The following PTDSS1 variants were observed in gnomAD, a reference collection of about 807,000 sequenced individuals.
PTDSS1 encodes PSS-1.
PTDSS1 carries 45 observed loss-of-function variants against 70.5 expected under a neutral mutation model. The observed-to-expected ratio is 0.64, with a 90% confidence interval of 0.50 to 0.82. PTDSS1 has a LOEUF of 0.82. Among genes scored for constraint, PTDSS1 ranks in the 40% least tolerant of loss-of-function variants. PTDSS1 has a pLI of 0.00. For synonymous variants in PTDSS1, 188 were observed against 203.8 expected (o/e 0.92, Z 0.66); for missense variants, 417 against 586.1 (o/e 0.71, Z 2.98).
In PTDSS1 at chr8:96,262,197, C is replaced by T; in HGVS notation, c.157C>T (p.Leu53Phe). 1 of 1,613,476 alleles carries T rather than the reference C, an allele frequency of 6.2e-7. No homozygotes were observed. Among genetic ancestry groups the T allele is most frequent in the Non-Finnish European group, 8.5e-7 (1 of 1,179,568 alleles). ...CCTGCTCAGCTTCACCATCGTCAGC[C>T]TCATGTACTTCGCCTTTACCAGGTG... is the stretch of plus-strand genomic sequence containing the variant. Reference protein sequence around the residue: ...ITLLSFTIVSLMYFAFTRDDS... With the variant: ...ITLLSFTIVSFMYFAFTRDDS... Residue 53 changes from leucine (L) to phenylalanine (F), a missense_variant, in exon 1 of 13, where the codon CTC (leucine) becomes TTC (phenylalanine). Around this residue, in one of 3 missense-constraint regions of PTDSS1, gnomAD observed 272 missense variants for 429.5 expected, o/e 0.63. Transcript: ENST00000517309. The surrounding 1 kb of genome is among the most constrained non-coding windows in gnomAD (Gnocchi z 4.4).
intron 7 of PTDSS1, 104 bp downstream of exon 7, chr8:96,304,285 T>C: frequency 1.5e-6 from 2 of 1,317,354 alleles, no homozygotes; most frequent in Non-Finnish European, 2.1e-6. Flanking sequence ...TTCAGCTCCA[T>C]ACTTTACAAG....
intron 2 of PTDSS1, among the ~76,000 whole-genome samples, chr8:96,274,226 G>A (rs919109352): frequency 1.3e-5 from 2 of 151,684 alleles, no homozygotes; most frequent in Admixed American, 1.3e-4. Flanking sequence ...GGACGTACTC[G>A]GGTTTTAAAT....
chr8:96,299,658 T>C (rs1811023464), intron 5 of PTDSS1, 36 bp from the exon 6 acceptor site: 2 of 1,565,836 alleles, frequency 1.3e-6, no homozygotes, highest in Non-Finnish European at 1.7e-6. Context: ...CCCAGTTTTG[T>C]TTATTTTTCC....
intron 12 of PTDSS1, 92 bp from the exon 13 acceptor site, chr8:96,333,365 C>T: frequency 8.8e-7 from 1 of 1,134,882 alleles, no homozygotes; most frequent in Non-Finnish European, 1.3e-6. Context: ...AGGGAAGAAC[C>T]TGTTCCCCGG....
At chr8:96,308,820 T>G (rs2130121737) in intron 8 of PTDSS1, among the ~76,000 whole-genome samples, 2 of 152,372 alleles carry the variant, frequency 1.3e-5, no homozygotes, top group Admixed American at 1.3e-4. Context: ...AAAATTGCAT[T>G]TATGGCTTGC....
At position 96,304,108 on chromosome 8, in the gene PTDSS1, A is replaced by G. The variant is rs754034904; in HGVS notation, c.821A>G (p.Tyr274Cys). Residue 274 changes from tyrosine (Y) to cysteine (C), a missense_variant, in exon 7 of 13, where the codon TAT becomes TGT. Coordinates refer to ENST00000517309, the MANE Select transcript of PTDSS1 (RefSeq NM_014754.3). ...CAGTTCACTCCTGCTAGCTGGACCT[A>G]TGTTCGATGGTTTGACCCCAAATCT... The part of the protein sequence containing the change: ...VLQFTPASWT[Y>C]VRWFDPKSSF... The G allele has an allele frequency of 4.8e-5, 77 of 1,613,552 alleles. No homozygotes were observed. The highest frequency in any genetic ancestry group is 6.4e-5 in the Non-Finnish European group (75 of 1,179,748).
chr8:96,329,019 TTC>T, intron 10 of PTDSS1, among the ~76,000 whole-genome samples: 1 of 152,328 alleles, frequency 6.6e-6, no homozygotes, highest in Non-Finnish European at 1.5e-5. Context: ...TGAGCTTTCA[TTC>T]TTCTTCTGGA....
chr8:96,300,110 C>T (rs1811030646), intron 6 of PTDSS1, among the ~76,000 whole-genome samples: 1 of 152,092 alleles, frequency 6.6e-6, no homozygotes, highest in South Asian at 2.1e-4. Flanking sequence ...AAATCCACCC[C>T]CACTCTTTTT....
chr8:96,327,782 G>A (rs1049170169), intron 10 of PTDSS1, among the ~76,000 whole-genome samples: 2 of 152,084 alleles, frequency 1.3e-5, no homozygotes, highest in South Asian at 2.1e-4. Context: ...CCTCCTTGCC[G>A]CCAGCCCCGT....
chr8:96,287,382 G>A (rs142714430), intron 4 of PTDSS1: 44 of 491,480 alleles, frequency 9.0e-5, no homozygotes, highest in African/African-American at 6.2e-4. Context: ...ACACTTTATC[G>A]TCAGACAGCC....
chr8:96,294,458 T>A (rs1810947682), intron 4 of PTDSS1, among the ~76,000 whole-genome samples: 1 of 152,152 alleles, frequency 6.6e-6, no homozygotes, highest in East Asian at 1.9e-4. Context: ...AACAAAGATA[T>A]TAGAAATGGA....
rs764410519 is a variant in PTDSS1, at chr8:96,284,099, T to C, written c.272-10T>C. The C allele has an allele frequency of 6.2e-7, 1 of 1,604,136 alleles. No individual in the cohort carries two copies. Among genetic ancestry groups the C allele is most frequent in the Non-Finnish European group, 8.5e-7 (1 of 1,172,368 alleles). On this transcript the variant is annotated splice_polypyrimidine_tract_variant and intron_variant, in intron 2 of 12. Coordinates refer to ENST00000517309, the MANE Select transcript of PTDSS1 (RefSeq NM_014754.3). ...GTTCCTTCTAACTTTATAATGTTAT[T>C]TATCTGCAGGTCCGTTCACTCGACC...
At chr8:96,331,397 C>T (rs1178288673) in intron 12 of PTDSS1, among the ~76,000 whole-genome samples, 1 of 151,894 alleles carries the variant, frequency 6.6e-6, no homozygotes, top group African/African-American at 2.4e-5. Context: ...GGTGTGGTGG[C>T]GGGCGCCTGT....
At chr8:96,286,139 A>C (rs1422942104) in intron 3 of PTDSS1, among the ~76,000 whole-genome samples, 3 of 152,174 alleles carry the variant, frequency 2.0e-5, no homozygotes, top group Non-Finnish European at 4.4e-5. Context: ...ACTGGAGATT[A>C]GTGCTGAGCC....
At chr8:96,267,517 TC>T (rs1226180364) in intron 1 of PTDSS1, among the ~76,000 whole-genome samples, 2 of 152,170 alleles carry the variant, frequency 1.3e-5, no homozygotes, top group Non-Finnish European at 2.9e-5. Flanking sequence ...GTCCCATCTT[TC>T]CCTGTTTAAA....
intron 9 of PTDSS1, among the ~76,000 whole-genome samples, chr8:96,310,564 G>T (rs1169593331): frequency 1.3e-5 from 2 of 151,710 alleles, no homozygotes; most frequent in Non-Finnish European, 1.5e-5. Context: ...AGAGAAAATG[G>T]ATTGGTTGCA....
chr8:96,266,454 A>G (rs1388348982), intron 1 of PTDSS1, among the ~76,000 whole-genome samples: 1 of 152,194 alleles, frequency 6.6e-6, no homozygotes, highest in Non-Finnish European at 1.5e-5. Flanking sequence ...GTTCACCGTC[A>G]TATCATTGGG....
At chr8:96,278,287 A>G (rs1445577205) in intron 2 of PTDSS1, among the ~76,000 whole-genome samples, 2 of 152,200 alleles carry the variant, frequency 1.3e-5, no homozygotes, top group Admixed American at 6.5e-5. Flanking sequence ...TGTTCAACAG[A>G]TATTTGTTGG....
In PTDSS1 at chr8:96,331,052, C is replaced by G; in HGVS notation, c.1269C>G (p.Thr423=). The G allele has an allele frequency of 6.2e-7, 1 of 1,613,638 alleles. No homozygotes were observed. Among genetic ancestry groups the G allele is most frequent in the Middle Eastern group, 1.6e-4 (1 of 6,062 alleles). Residue 423 remains threonine, a synonymous_variant, in exon 12 of 13, where the codon ACC becomes ACG. Coordinates refer to ENST00000517309, the MANE Select transcript of PTDSS1 (RefSeq NM_014754.3). ...EKTYSECEDG[T]YSPEISWHHR... ...CCTACTCGGAGTGTGAAGATGGCACCTACAGTCCAGAGATCTCCTGGCATC... is the reference window on the plus strand; with the variant it reads ...CCTACTCGGAGTGTGAAGATGGCACGTACAGTCCAGAGATCTCCTGGCATC...
Sources: gnomAD v4.1 joint callset for allele counts (sites outside exome capture counted in the v4.1 genomes callset) on GRCh38, gnomAD v4.1.1 for gene constraint, gnomAD v4.1.1 regional missense constraint, Gnocchi (gnomAD v3.1) non-coding constraint, MANE v1.5 for transcripts, NCBI Gene and HGNC (gene_info 2026-07-23, HGNC 2026-07-21) for gene names.